The following TP53BP1 variants were observed in gnomAD, a reference collection of about 807,000 sequenced individuals.
The protein encoded by TP53BP1 is TP53-binding protein 1.
In TP53BP1, 61 loss-of-function variants were observed where a neutral mutation model predicts 200.8. That is an observed-to-expected ratio of 0.30 (90% CI 0.25 to 0.38). TP53BP1 has a LOEUF of 0.38. Among genes scored for constraint, TP53BP1 ranks in the 10% least tolerant of loss-of-function variants. The pLI is 1.00. For missense variants in TP53BP1, 2,144 were observed against 2,371.9 expected (o/e 0.90, Z 2.00); for synonymous variants, 822 against 844.3 (o/e 0.97, Z 0.46).
At chr15:43,479,273 G>C in intron 7 of TP53BP1, 124 bp downstream of exon 7, 2 of 994,740 alleles carry the variant, frequency 2.0e-6, no homozygotes, top group Non-Finnish European at 2.9e-6. Flanking sequence ...CCACAAGTAT[G>C]CCCAGTACAA....
chr15:43,474,143 G>T (rs2264248), intron 10 of TP53BP1, among the ~76,000 whole-genome samples: 4 of 152,040 alleles, frequency 2.6e-5, no homozygotes, highest in Non-Finnish European at 5.9e-5. Flanking sequence ...CATTGCCCGG[G>T]GGGCCGGCAG....
intron 4 of TP53BP1, among the ~76,000 whole-genome samples, chr15:43,482,070 T>A (rs1275509980): frequency 7.0e-6 from 1 of 143,858 alleles, no homozygotes; most frequent in Non-Finnish European, 1.5e-5. Context: ...TACTAAAAAA[T>A]ACAAAAAAAT....
chr15:43,480,314 G>A (rs1004535661), intron 5 of TP53BP1, among the ~76,000 whole-genome samples: 1 of 152,186 alleles, frequency 6.6e-6, no homozygotes. Flanking sequence ...CAGGTGTGGT[G>A]GCGCACACAT....
chr15:43,477,647 C>G lies in TP53BP1; in HGVS notation c.901G>C (p.Glu301Gln). ...ESGLQIQKSP[E>Q]PEVLSTQEDL... is the part of the protein sequence containing the mutation. ...TCCTGAGTTGACAAAACCTCAGGCT[C>G]TGGTGACTTCTGAATCTGCAGTCCA... Residue 301 changes from glutamate to glutamine, a missense_variant, in exon 8 of 28, where the codon GAG (glutamate) becomes CAG (glutamine). Physicochemically the swap from Glu to Gln is conservative, Grantham distance 29 (BLOSUM62 2). This residue lies in a region of TP53BP1 where 1,700 missense variants were observed against 1,710.3 expected (regional missense o/e 0.99). Transcript: ENST00000382044. The G allele has an allele frequency of 6.2e-7, 1 of 1,613,890 alleles. No homozygotes were observed. The highest frequency in any genetic ancestry group is 8.5e-7 in the Non-Finnish European group (1 of 1,179,934).
Position 43,454,203 on chromosome 15 carries a change from C to G in TP53BP1, c.2716+1689G>C, listed in dbSNP as rs138467912. The stretch of plus-strand genomic sequence containing the variant: ...CCAGCAACAGAGCAAGACTCCACAT[C>G]TCAAAAAAAAGGGACTGTTCTACGC... On this transcript the variant is annotated intron_variant, in intron 12 of 27. Transcript: ENST00000382044. Among the ~76,000 whole-genome samples the G allele has an allele frequency of 7.6e-4, 115 of 151,638 alleles. No homozygotes were observed. The East Asian group carries it at 0.021, about 28-fold the overall frequency.
At chr15:43,422,155 A>T (rs750543988) in intron 18 of TP53BP1, 29 bp from the exon 19 acceptor site, 21 of 1,603,424 alleles carry the variant, frequency 1.3e-5, no homozygotes, top group Non-Finnish European at 1.8e-5. Flanking sequence ...TACAGAAGAT[A>T]AAAGATGCCA....
In TP53BP1 at chr15:43,422,006, A is replaced by G. The variant is rs554221202; in HGVS notation, c.3949T>C (p.Leu1317=). 2.8e-5 allele frequency: 46 copies of G among 1,614,192 alleles called. No individual in the cohort carries two copies. In the Middle Eastern group the frequency reaches 9.9e-4, roughly 35 times the overall value. ...CTTGTCCCACTTGATGTGCGGTGTA[A>G]GCTGGATGCCTTGGAGGAGAAGGAG... ...ISSFSSKASS[L]HRTSSGTSLS... The change falls in exon 19 of 28, where the codon TTA becomes CTA. Residue 1317 remains leucine, a synonymous_variant. Coordinates refer to ENST00000382044, the MANE Select transcript of TP53BP1 (RefSeq NM_001141980.3).
At chr15:43,509,851 C>CA (rs1484918417) in intron 1 of TP53BP1, among the ~76,000 whole-genome samples, 1 of 151,894 alleles carries the variant, frequency 6.6e-6, no homozygotes. Flanking sequence ...CCCAAAAACC[C>CA]AAAAAACAAA....
chr15:43,474,566 T>C (rs965315435), intron 10 of TP53BP1, 107 bp downstream of exon 10: 4 of 673,762 alleles, frequency 5.9e-6, no homozygotes, highest in African/African-American at 5.5e-5. Context: ...CCGAATTGTG[T>C]AGGTCACAAG....
rs1260408311 is a variant in TP53BP1 at position 43,409,574 on chromosome 15, A to T, written c.5400+73T>A. Reference sequence around the variant, plus strand: ...TTATCCAGGTTCCCCAACCCCTCCCAGGCCTCTTCTCAACACAGCAAGTTG... The same window carrying T: ...TTATCCAGGTTCCCCAACCCCTCCCTGGCCTCTTCTCAACACAGCAAGTTG... On this transcript the variant is annotated intron_variant, in intron 25 of 27. Transcript: ENST00000382044. 6 of 798,666 alleles carry T rather than the reference A, an allele frequency of 7.5e-6. No individual in the cohort carries two copies. In the African/African-American group the frequency reaches 8.8e-5, roughly 12 times the overall value. 49.5% of individuals were successfully genotyped at this position (798,666 alleles called of 1,614,324 possible).
chr15:43,443,912 A>C (rs999603346), intron 14 of TP53BP1, among the ~76,000 whole-genome samples: 1 of 152,218 alleles, frequency 6.6e-6, no homozygotes, highest in African/African-American at 2.4e-5. Flanking sequence ...AACATAATCT[A>C]AACAGTCCAT....
rs1315342367 is a variant in TP53BP1, at chr15:43,412,806, T to G, written c.5305+313A>C. 1.8e-5 allele frequency: 9 copies of G among 489,764 alleles called. No individual in the cohort carries two copies. The East Asian group carries it at 5.7e-4, about 31-fold the overall frequency. The allele number at this position is 489,764 out of a possible 1,614,324, so 30.3% of individuals were successfully genotyped here. ...GCTCTAGTCACAGGTTTGTCATTAT[T>G]GTGGACAAAAAAAACACAATTATTT... is the stretch of plus-strand genomic sequence containing the variant. On this transcript the variant is annotated intron_variant, in intron 24 of 27. Coordinates refer to ENST00000382044, the MANE Select transcript of TP53BP1 (RefSeq NM_001141980.3).
chr15:43,440,569 T>G (rs1016603471), intron 15 of TP53BP1, among the ~76,000 whole-genome samples: 10 of 151,398 alleles, frequency 6.6e-5, no homozygotes, highest in Non-Finnish European at 1.3e-4. Context: ...CTTTAGTTAT[T>G]AACAGTACCC....
intron 4 of TP53BP1, among the ~76,000 whole-genome samples, chr15:43,487,396 G>C (rs189634250): frequency 1.8e-4 from 27 of 152,264 alleles, no homozygotes; most frequent in African/African-American, 6.5e-4. Flanking sequence ...CTCTAGAAAA[G>C]TTTGGCAGTT....
intron 4 of TP53BP1, among the ~76,000 whole-genome samples, chr15:43,486,140 G>A (rs2079044293): frequency 6.6e-6 from 1 of 152,048 alleles, no homozygotes; most frequent in Admixed American, 6.6e-5. Context: ...AGTTTGGGAG[G>A]CTGAGGGGGG....
intron 18 of TP53BP1, among the ~76,000 whole-genome samples, chr15:43,422,566 A>G (rs2045429591): frequency 6.6e-6 from 1 of 152,218 alleles, no homozygotes; most frequent in African/African-American, 2.4e-5. Context: ...TAGGCAGGTG[A>G]GAGGAGAAAA....
chr15:43,480,867 T>C (rs1431303877), intron 5 of TP53BP1, 28 bp downstream of exon 5: 4 of 1,613,388 alleles, frequency 2.5e-6, no homozygotes, highest in African/African-American at 2.7e-5. Flanking sequence ...TAGAACAGTC[T>C]ATTATTCTGA....
chr15:43,420,474 G>A lies in TP53BP1; in HGVS notation c.4512C>T (p.Gly1504=). ...GTGTGATTTTCCCAGAGTAAAAGTA[G>A]CCATTGGATGACCACTTGGCTACAA... is the stretch of plus-strand genomic sequence containing the variant. ...LRVVAKWSSN[G]YFYSGKITRD... is the part of the protein sequence containing the mutation. The change falls in exon 21 of 28, where the codon GGC becomes GGT. Residue 1504 remains glycine (G), a synonymous_variant. Transcript: ENST00000382044. The A allele has an allele frequency of 2.5e-6, 4 of 1,614,174 alleles. No homozygotes were observed. Among genetic ancestry groups the A allele is most frequent in the Non-Finnish European group, 3.4e-6 (4 of 1,180,038 alleles).
At chr15:43,443,478 G>C (rs750245652) in intron 14 of TP53BP1, among the ~76,000 whole-genome samples, 7 of 152,126 alleles carry the variant, frequency 4.6e-5, no homozygotes, top group Admixed American at 1.3e-4. Flanking sequence ...GATCGCTTGA[G>C]CCCAGGAGTT....
Sources: allele counts gnomAD v4.1 joint callset (sites outside exome capture counted in the v4.1 genomes callset), GRCh38; gene constraint gnomAD v4.1.1; regional missense constraint gnomAD v4.1.1; transcripts MANE v1.5; gene names NCBI Gene and HGNC (gene_info 2026-07-23, HGNC 2026-07-21).